EXOSC3: variants seen among roughly 807,000 people sequenced by gnomAD.
EXOSC3 encodes exosome complex component RRP40.
In EXOSC3, 18 loss-of-function variants were observed where a neutral mutation model predicts 25.1. The ratio of observed to expected loss-of-function variants is 0.72; its 90% CI spans 0.50 to 1.06. EXOSC3 has a LOEUF of 1.06. EXOSC3 is among the 50% of genes least tolerant of loss of function. The pLI is 0.00. For synonymous variants in EXOSC3, 165 were observed against 132.2 expected, an observed-to-expected ratio of 1.25 and a Z score of -1.70; for missense variants, 382 against 350.9, an observed-to-expected ratio of 1.09 and a Z score of -0.71.
chr9:37,784,878 T>C lies in EXOSC3; in HGVS notation c.167A>G (p.Asn56Ser), dbSNP rs1828674634. ...GGAVERPLSL[N>S]ARACSRVRVV... Reference sequence around the variant, plus strand: ...GCGCACCCGCGAGCACGCTCTAGCATTCAGGCTCAACGGTCGCTCCACTGC... The same window carrying C: ...GCGCACCCGCGAGCACGCTCTAGCACTCAGGCTCAACGGTCGCTCCACTGC... Residue 56 changes from asparagine (N) to serine (S), a missense_variant, in exon 1 of 4, where the codon AAT (asparagine) becomes AGT (serine). Asn to Ser is a conservative substitution (Grantham distance 46). Coordinates refer to ENST00000327304, the MANE Select transcript of EXOSC3 (RefSeq NM_016042.4). 1.9e-6 allele frequency: 3 copies of C among 1,607,112 alleles called. No individual in the cohort carries two copies. In the South Asian group the frequency reaches 3.3e-5, roughly 18 times the overall value.
Position 37,780,614 on chromosome 9 carries a change from G to GGA in EXOSC3, c.*63_*64dup, listed in dbSNP as rs1828564895. 8.1e-7 allele frequency: 1 copy of GGA among 1,234,386 alleles called. No individual in the cohort carries two copies. 76.5% of individuals were successfully genotyped at this position (1,234,386 alleles called of 1,614,324 possible). A position where few individuals can be genotyped will look rare whatever the true frequency, so the allele number is the denominator to read the frequency against. On this transcript the variant is annotated 3_prime_UTR_variant, in exon 4 of 4. Coordinates refer to ENST00000327304, the MANE Select transcript of EXOSC3 (RefSeq NM_016042.4). ...CTTATCTTCTGAGTATTTAAATGGG[G>GGA]GAGGTTCACCTGAAAAAACCCATAG...
rs375551078 is a variant in EXOSC3, at chr9:37,780,457, GT to G, written c.*221del. ...TTAACTCCAAATAAACCCTAATACT[GT>G]TTTTTAGTAAACTTTATTGTACCGA... On this transcript the variant is annotated 3_prime_UTR_variant, in exon 4 of 4. Transcript: ENST00000327304. 1.6e-5 allele frequency: 8 copies of G among 510,988 alleles called. No homozygotes were observed. The highest frequency in any genetic ancestry group is 2.4e-5 in the Non-Finnish European group (7 of 287,478). 31.7% of individuals were successfully genotyped at this position (510,988 alleles called of 1,614,324 possible). A position where few individuals can be genotyped will look rare whatever the true frequency, so the allele number is the denominator to read the frequency against.
intron 1 of EXOSC3, 117 bp from the exon 2 acceptor site, chr9:37,784,180 G>T: frequency 9.1e-7 from 1 of 1,099,198 alleles, no homozygotes; most frequent in Non-Finnish European, 1.3e-6. Flanking sequence ...CTGATCAAAT[G>T]CCACTTTCGG....
chr9:37,781,941 G>A (rs1828605107), intron 3 of EXOSC3, 45 bp downstream of exon 3: 3 of 1,572,660 alleles, frequency 1.9e-6, no homozygotes, highest in Admixed American at 3.8e-5. Flanking sequence ...TTCCAAGAAT[G>A]TATAATTATA....
chr9:37,782,356 A>C (rs1392786400), intron 2 of EXOSC3, among the ~76,000 whole-genome samples: 1 of 152,262 alleles, frequency 6.6e-6, no homozygotes, highest in East Asian at 1.9e-4. Context: ...ACAGACGAGG[A>C]GCCATCTCAA....
At position 37,779,942 on chromosome 9, in the gene EXOSC3, A is replaced by T. The variant is rs1039225856; in HGVS notation, c.*737T>A. Reference sequence around the variant, plus strand: ...GCTCCTAGGAAATGATTTTAGCAAAATAAGACTTGGCCAGATTTGGATTCA... The same window carrying T: ...GCTCCTAGGAAATGATTTTAGCAAATTAAGACTTGGCCAGATTTGGATTCA... On this transcript the variant is annotated 3_prime_UTR_variant, in exon 4 of 4. Transcript: ENST00000327304. 1 of 152,192 alleles carries T rather than the reference A, an allele frequency of 6.6e-6. No homozygotes were observed. Among genetic ancestry groups the T allele is most frequent in the Non-Finnish European group, 1.5e-5 (1 of 68,028 alleles). 9.4% of individuals were successfully genotyped at this position (152,192 alleles called of 1,614,324 possible). A position where few individuals can be genotyped will look rare whatever the true frequency, so the allele number is the denominator to read the frequency against.
In EXOSC3 at chr9:37,780,626, G is replaced by GA. The variant is rs1421000943; in HGVS notation, c.*52dup. 1.3e-5 allele frequency: 19 copies of GA among 1,469,584 alleles called. No individual in the cohort carries two copies. Among genetic ancestry groups the GA allele is most frequent in the East Asian group, 2.3e-5 (1 of 44,158 alleles). 91.0% of individuals were successfully genotyped at this position (1,469,584 alleles called of 1,614,324 possible). A position where few individuals can be genotyped will look rare whatever the true frequency, so the allele number is the denominator to read the frequency against. On this transcript the variant is annotated 3_prime_UTR_variant, in exon 4 of 4. Transcript: ENST00000327304. ...GTATTTAAATGGGGGAGGTTCACCT[G>GA]AAAAAACCCATAGTTTTTTGCCTCA...
chr9:37,782,525 AG>A (rs1828617579), intron 2 of EXOSC3, among the ~76,000 whole-genome samples: 1 of 152,258 alleles, frequency 6.6e-6, no homozygotes, highest in Non-Finnish European at 1.5e-5. Context: ...TAATCAGTGC[AG>A]ATACAAAACA....
chr9:37,781,146 T>C (rs956890934), intron 3 of EXOSC3, among the ~76,000 whole-genome samples: 4 of 152,136 alleles, frequency 2.6e-5, no homozygotes. Context: ...TTCCCCTAGA[T>C]GGTCAGAGCA....
In EXOSC3 at chr9:37,785,039, G is replaced by A. The variant is rs752749069; in HGVS notation, c.6C>T (p.Ala2=). 56 of 1,594,734 alleles carry A rather than the reference G, an allele frequency of 3.5e-5. No homozygotes were observed. Among genetic ancestry groups the A allele is most frequent in the South Asian group, 2.6e-4 (23 of 90,152 alleles). The change falls in exon 1 of 4, where the codon GCC becomes GCT. Residue 2 remains alanine, a synonymous_variant. Transcript: ENST00000327304. M[A]EPASVAAESL... ...ATTCAGCCGCGACAGACGCAGGTTC[G>A]GCCATCGCGGGCTCCACCAAACACC...
rs1404319370 is a variant in EXOSC3 at position 37,784,786 on chromosome 9, G to T, written c.259C>A (p.Arg87Ser). 2 of 1,607,520 alleles carry T rather than the reference G, an allele frequency of 1.2e-6. No individual in the cohort carries two copies. The highest frequency in any genetic ancestry group is 8.5e-7 in the Non-Finnish European group (1 of 1,178,786). ...CTGCCACTGCCGGGCTCCTTGTGACGGAGGCGGCCGCACTTGGTGACCAGC... is the reference window on the plus strand; with the variant it reads ...CTGCCACTGCCGGGCTCCTTGTGACTGAGGCGGCCGCACTTGGTGACCAGC... ...RLLVTKCGRL[R>S]HKEPGSGSGG... Residue 87 changes from arginine to serine, a missense_variant, in exon 1 of 4, where the codon CGT becomes AGT. Transcript: ENST00000327304.
chr9:37,783,557 T>C (rs1828638988), intron 2 of EXOSC3, among the ~76,000 whole-genome samples: 1 of 152,154 alleles, frequency 6.6e-6, no homozygotes, highest in Non-Finnish European at 1.5e-5. Context: ...TAGCTGATAA[T>C]GTCAATTTGC....
Position 37,781,183 on chromosome 9 carries a change from C to CT in EXOSC3, c.627-304dup, listed in dbSNP as rs1216600816. 5.3e-5 allele frequency among the ~76,000 whole-genome samples: 8 copies of CT among 152,052 alleles called. No homozygotes were observed. The South Asian group carries it at 1.0e-3, about 20-fold the overall frequency. ...TTTAATTCTAGACTGGGAATCATAA[C>CT]TTTTTTTATCTACAGTGTTAAGACA... On this transcript the variant is annotated intron_variant, in intron 3 of 3. Coordinates refer to ENST00000327304, the MANE Select transcript of EXOSC3 (RefSeq NM_016042.4).
Position 37,780,771 on chromosome 9 carries a change from G to T in EXOSC3, c.736C>A (p.Gln246Lys). 1.2e-6 allele frequency: 2 copies of T among 1,613,954 alleles called. No homozygotes were observed. The highest frequency in any genetic ancestry group is 1.7e-6 in the Non-Finnish European group (2 of 1,179,924). The change falls in exon 4 of 4, where the codon CAG (glutamine) becomes AAG (lysine). Residue 246 changes from glutamine to lysine, a missense_variant. Transcript: ENST00000327304. ...AAAATGTTTGCCAAAATTAAAGTCT[G>T]CTGGATGGTTTTTGCCTTAACCCAT... ...RIWVKAKTIQQTLILANILEA... is the reference protein window; with the variant it reads ...RIWVKAKTIQKTLILANILEA...
chr9:37,784,176 A>G (rs1589060994), intron 1 of EXOSC3, 113 bp from the exon 2 acceptor site: 2 of 1,157,736 alleles, frequency 1.7e-6, no homozygotes, highest in East Asian at 5.1e-5. Context: ...AAATCTGATC[A>G]AATGCCACTT....
chr9:37,784,065 TACAA>T lies in EXOSC3; in HGVS notation c.325-6_325-3del. The T allele has an allele frequency of 6.2e-7, 1 of 1,603,398 alleles. No individual in the cohort carries two copies. The highest frequency in any genetic ancestry group is 1.1e-5 in the South Asian group (1 of 88,808). On this transcript the variant is annotated splice_region_variant and splice_polypyrimidine_tract_variant and intron_variant, in intron 1 of 3. Transcript: ENST00000327304. Reference sequence around the variant, plus strand: ...ATGGTCTCCTTTTACTGGAACATACTACAAAAAGAAACAGAATGAAAAAACAGCC... The same window carrying T: ...ATGGTCTCCTTTTACTGGAACATACTAAAGAAACAGAATGAAAAAACAGCC...
intron 1 of EXOSC3, 97 bp from the exon 2 acceptor site, chr9:37,784,160 A>G (rs1828654661): frequency 9.7e-6 from 13 of 1,340,074 alleles, no homozygotes; most frequent in Non-Finnish European, 1.2e-5. Flanking sequence ...TATTGTCATT[A>G]AAGAGAAATC....
chr9:37,780,277 G>A lies in EXOSC3; in HGVS notation c.*402C>T, dbSNP rs567641975. The A allele has an allele frequency of 1.3e-4, 24 of 179,526 alleles. No homozygotes were observed. The highest frequency in any genetic ancestry group is 2.8e-3 in the Middle Eastern group (1 of 360). The allele number at this position is 179,526 out of a possible 1,614,324, so 11.1% of individuals were successfully genotyped here. ...GTATTTCGTTGTTATATACTCACCC[G>A]CTGAATAATGGGACTACAGGTGACA... is the stretch of plus-strand genomic sequence containing the variant. On this transcript the variant is annotated 3_prime_UTR_variant, in exon 4 of 4. Transcript: ENST00000327304.
intron 2 of EXOSC3, among the ~76,000 whole-genome samples, chr9:37,783,014 G>C (rs762053443): frequency 6.6e-6 from 1 of 152,210 alleles, no homozygotes; most frequent in African/African-American, 2.4e-5. Flanking sequence ...CGAAGGGATA[G>C]TGCAATCAAG....
Sources: gnomAD v4.1 joint callset for allele counts (sites outside exome capture counted in the v4.1 genomes callset) on GRCh38, gnomAD v4.1.1 for gene constraint, MANE v1.5 for transcripts, NCBI Gene and HGNC (gene_info 2026-07-23, HGNC 2026-07-21) for gene names.